Variants in ZNF415 observed in about 807,000 individuals in gnomAD.
ZNF415 encodes the protein zinc finger protein 415.
In ZNF415, 5 loss-of-function variants were observed where a neutral mutation model predicts 7.3. That is an observed-to-expected ratio of 0.69 (90% CI 0.36 to 1.44). ZNF415 has a LOEUF of 1.44. Ranked by LOEUF, ZNF415 falls within the 40% of genes most tolerant of loss-of-function variation. The pLI, the probability that ZNF415 is intolerant of heterozygous loss-of-function variation, is 0.04. For missense variants in ZNF415, 628 were observed against 664.8 expected, an observed-to-expected ratio of 0.94 and a Z score of 0.61; for synonymous variants, 207 against 226.3, an observed-to-expected ratio of 0.91 and a Z score of 0.77.
chr19:53,119,479 G>C (rs949807403), intron 2 of ZNF415, among the ~76,000 whole-genome samples: 3 of 108,228 alleles, frequency 2.8e-5, no homozygotes, highest in African/African-American at 1.0e-4. Flanking sequence ...AATTTAAATA[G>C]ACAGTCTAAC....
At position 53,122,723 on chromosome 19, in the gene ZNF415, A is replaced by G. The variant is rs2088324041; in HGVS notation, c.-47T>C. The G allele has an allele frequency of 6.2e-7, 1 of 1,613,718 alleles. No individual in the cohort carries two copies. The highest frequency in any genetic ancestry group is 1.7e-5 in the Admixed American group (1 of 59,962). On this transcript the variant is annotated 5_prime_UTR_variant, in exon 2 of 4. Coordinates refer to ENST00000243643, the MANE Select transcript of ZNF415 (RefSeq NM_018355.4). The stretch of plus-strand genomic sequence containing the variant: ...CTTCTGGGTTTCTTCCTCATGTGCC[A>G]GGAGTCTTTGGAAGTCAATGCTGAA...
intron 1 of ZNF415, among the ~76,000 whole-genome samples, chr19:53,130,649 C>CT (rs1325743864): frequency 1.3e-5 from 2 of 152,012 alleles, no homozygotes; most frequent in Non-Finnish European, 2.9e-5. Context: ...AGCAACAACA[C>CT]TTTTTTTGTT....
Position 53,109,007 on chromosome 19 carries a change from A to T in ZNF415, c.1038T>A (p.His346Gln). Residue 346 changes from histidine (H) to glutamine (Q), a missense_variant, in exon 4 of 4, where the codon CAT (histidine) becomes CAA (glutamine). By Grantham distance (24) the His-to-Gln change is conservative (BLOSUM62 0). Transcript: ENST00000243643. ...AFSVRSTLTN[H>Q]QVIHSGKKPY... Reference sequence around the variant, plus strand: ...GTTTCTTGCCACTATGAATTACCTGATGGTTGGTAAGTGTTGACCTCACAC... The same window carrying T: ...GTTTCTTGCCACTATGAATTACCTGTTGGTTGGTAAGTGTTGACCTCACAC... The T allele has an allele frequency of 6.2e-7, 1 of 1,614,050 alleles. No individual in the cohort carries two copies. The highest frequency in any genetic ancestry group is 8.5e-7 in the Non-Finnish European group (1 of 1,179,994).
intron 2 of ZNF415, among the ~76,000 whole-genome samples, chr19:53,121,803 T>G (rs1271522894): frequency 6.6e-6 from 1 of 152,174 alleles, no homozygotes; most frequent in Non-Finnish European, 1.5e-5. Context: ...TGTCTGTATC[T>G]CAACTTTACA....
intron 2 of ZNF415, among the ~76,000 whole-genome samples, chr19:53,119,139 G>T (rs922503635): frequency 1.3e-5 from 2 of 152,050 alleles, no homozygotes; most frequent in African/African-American, 4.8e-5. Context: ...AAAATTAGCT[G>T]GGTGTGGTGG....
chr19:53,113,040 T>C (rs62115461), intron 3 of ZNF415, among the ~76,000 whole-genome samples: 66,117 of 150,656 alleles, frequency 0.44, 15,492 homozygotes, highest in East Asian at 0.59. Context: ...GAGCTGAGAT[T>C]GTGCCATTGT....
At chr19:53,117,819 C>A (rs1045085416) in intron 2 of ZNF415, among the ~76,000 whole-genome samples, 1 of 151,982 alleles carries the variant, frequency 6.6e-6, no homozygotes, top group Admixed American at 6.6e-5. Flanking sequence ...AGCAAACATG[C>A]AAGTAAGGAA....
chr19:53,117,513 G>C (rs1448845375), intron 2 of ZNF415, among the ~76,000 whole-genome samples: 3 of 151,412 alleles, frequency 2.0e-5, no homozygotes, highest in Non-Finnish European at 1.5e-5. Flanking sequence ...ACTTATAAAG[G>C]GTGCTCCATA....
chr19:53,120,317 C>T (rs58354428), intron 2 of ZNF415, among the ~76,000 whole-genome samples: 3,204 of 152,246 alleles, frequency 0.021, 102 homozygotes, highest in African/African-American at 0.072. Flanking sequence ...AAGGAGCAAG[C>T]TATCCTTGTT....
At chr19:53,128,909 T>C (rs2089653077) in intron 1 of ZNF415, among the ~76,000 whole-genome samples, 1 of 62,362 alleles carries the variant, frequency 1.6e-5, no homozygotes, top group Admixed American at 1.6e-4. Context: ...AGATGGAGAC[T>C]GTGTCCTCCA....
intron 1 of ZNF415, among the ~76,000 whole-genome samples, chr19:53,132,249 C>T (rs866882515): frequency 6.6e-5 from 10 of 152,174 alleles, no homozygotes; most frequent in African/African-American, 1.7e-4. Flanking sequence ...CCCTTTGGCC[C>T]ACACATTCAC....
rs140673482 is a variant in ZNF415, at chr19:53,110,806, A to C, written c.137-898T>G. Among the ~76,000 whole-genome samples, 702 of 152,340 alleles carry C rather than the reference A, an allele frequency of 4.6e-3. 5 individuals are homozygous for C. The highest frequency in any genetic ancestry group is 0.016 in the African/African-American group (656 of 41,568). ...GTAAACACATAGCATTATAAAGAAGAATTGAAGAACAAAGTCAGAAATCAC... is the reference window on the plus strand; with the variant it reads ...GTAAACACATAGCATTATAAAGAAGCATTGAAGAACAAAGTCAGAAATCAC... On this transcript the variant is annotated intron_variant, in intron 3 of 3. Coordinates refer to ENST00000243643, the MANE Select transcript of ZNF415 (RefSeq NM_018355.4).
chr19:53,128,291 C>T (rs1661920), intron 1 of ZNF415, among the ~76,000 whole-genome samples: 1 of 150,200 alleles, frequency 6.7e-6, no homozygotes, highest in African/African-American at 2.5e-5. Flanking sequence ...GGAATTGCCC[C>T]CAATTTGGGG....
chr19:53,120,293 G>A (rs2087781865), intron 2 of ZNF415, among the ~76,000 whole-genome samples: 1 of 152,148 alleles, frequency 6.6e-6, no homozygotes, highest in Non-Finnish European at 1.5e-5. Context: ...CCAATATTAT[G>A]TATCAACTTG....
chr19:53,125,139 G>A (rs1372129303), intron 1 of ZNF415, among the ~76,000 whole-genome samples: 1 of 152,006 alleles, frequency 6.6e-6, no homozygotes, highest in Non-Finnish European at 1.5e-5. Flanking sequence ...CGCCTCCCGG[G>A]TTCAAGTGAT....
intron 1 of ZNF415, among the ~76,000 whole-genome samples, chr19:53,132,439 C>T (rs532311290): frequency 6.6e-6 from 1 of 152,164 alleles, no homozygotes; most frequent in East Asian, 2.0e-4. Flanking sequence ...TGGGGCGCGA[C>T]AGCGCCTTCA....
intron 1 of ZNF415, among the ~76,000 whole-genome samples, chr19:53,125,540 G>A (rs1185068557): frequency 6.6e-6 from 1 of 152,014 alleles, no homozygotes; most frequent in Non-Finnish European, 1.5e-5. Flanking sequence ...GTGTCACTAT[G>A]TTACCTAGGC....
intron 1 of ZNF415, among the ~76,000 whole-genome samples, chr19:53,127,786 CGAATCGCTT>C (rs1394966651): frequency 6.7e-6 from 1 of 149,160 alleles, no homozygotes; most frequent in Non-Finnish European, 1.5e-5. Context: ...CTGAGGCACG[CGAATCGCTT>C]GAACCTAGGA....
intron 3 of ZNF415, 103 bp from the exon 4 acceptor site, chr19:53,110,011 CA>C (rs2086002924): frequency 2.2e-6 from 2 of 917,584 alleles, no homozygotes; most frequent in Non-Finnish European, 3.1e-6. Flanking sequence ...TTATATACAA[CA>C]GAGTTATAAA....
Sources: allele counts gnomAD v4.1 joint callset (sites outside exome capture counted in the v4.1 genomes callset), GRCh38; gene constraint gnomAD v4.1.1; transcripts MANE v1.5; gene names NCBI Gene and HGNC (gene_info 2026-07-23, HGNC 2026-07-21).